CTIF: variants seen among roughly 807,000 people sequenced by gnomAD.
CTIF encodes the protein cap binding complex dependent translation initiation factor.
CTIF carries 21 observed loss-of-function variants against 66.0 expected under a neutral mutation model. That is an observed-to-expected ratio of 0.32 (90% CI 0.23 to 0.46). The LOEUF is 0.46. Among genes scored for constraint, CTIF ranks in the 20% least tolerant of loss-of-function variants. CTIF has a pLI of 1.00. For missense variants in CTIF, 739 were observed against 812.7 expected, an observed-to-expected ratio of 0.91 and a Z score of 1.10; for synonymous variants, 345 against 326.4, an observed-to-expected ratio of 1.06 and a Z score of -0.62.
chr18:48,657,425 A>G (rs2042029339), intron 3 of CTIF, among the ~76,000 whole-genome samples: 1 of 152,200 alleles, frequency 6.6e-6, no homozygotes, highest in Non-Finnish European at 1.5e-5. Flanking sequence ...ATTTAGAGGA[A>G]TGAGGCTTTC....
intron 5 of CTIF, among the ~76,000 whole-genome samples, chr18:48,670,220 G>A (rs918955007): frequency 2.0e-5 from 3 of 152,130 alleles, no homozygotes; most frequent in Non-Finnish European, 4.4e-5. Flanking sequence ...ATCTGAGTGG[G>A]CTTGCTGGAC....
chr18:48,752,125 A>C (rs1907884025), intron 7 of CTIF, among the ~76,000 whole-genome samples: 1 of 152,220 alleles, frequency 6.6e-6, no homozygotes, highest in Admixed American at 6.5e-5. Flanking sequence ...CACACTTCTT[A>C]CATGAACTTT....
At chr18:48,784,516 C>A (rs1225757240) in intron 9 of CTIF, among the ~76,000 whole-genome samples, 3 of 152,100 alleles carry the variant, frequency 2.0e-5, no homozygotes, top group Admixed American at 6.5e-5. Context: ...GTCTCTGGGG[C>A]ACCACCAAAG....
chr18:48,731,169 G>A (rs1038827065), intron 7 of CTIF, among the ~76,000 whole-genome samples: 1 of 152,090 alleles, frequency 6.6e-6, no homozygotes, highest in African/African-American at 2.4e-5. Context: ...CAGAGAGGCA[G>A]ACAGTGCCTA....
rs192204510 is a variant in CTIF at position 48,745,523 on chromosome 18, T to G, written c.585-12396T>G. ...TTGCTTGAAACAATTGTTCTTATGGTGGTTGCCAAATGATTTTCTAATTCC... is the reference window on the plus strand; with the variant it reads ...TTGCTTGAAACAATTGTTCTTATGGGGGTTGCCAAATGATTTTCTAATTCC... On this transcript the variant is annotated intron_variant, in intron 7 of 11. Coordinates refer to ENST00000256413, the MANE Select transcript of CTIF (RefSeq NM_014772.3). Among the ~76,000 whole-genome samples, 316 of 152,358 alleles carry G rather than the reference T, an allele frequency of 2.1e-3. 8 individuals are homozygous for G. The highest frequency in any genetic ancestry group is 0.02 in the Admixed American group (312 of 15,310).
chr18:48,705,072 C>T (rs1254508653), intron 6 of CTIF, among the ~76,000 whole-genome samples: 1 of 152,212 alleles, frequency 6.6e-6, no homozygotes, highest in African/African-American at 2.4e-5. Context: ...TGCTGGACAA[C>T]TGGTAACTCC....
rs764874698 is a variant in CTIF at position 48,758,174 on chromosome 18, A to G, written c.840A>G (p.Pro280=). The stretch of plus-strand genomic sequence containing the variant: ...AAGAGACCATGACCATCGAGAACCC[A>G]AAACTGGAGGACACTGCAGGGGACA... ...NAKETMTIEN[P]KLEDTAGDTG... The change falls in exon 8 of 12, where the codon CCA becomes CCG. Residue 280 remains proline, a synonymous_variant. Coordinates refer to ENST00000256413, the MANE Select transcript of CTIF (RefSeq NM_014772.3). The G allele has an allele frequency of 3.1e-6, 5 of 1,613,764 alleles. No homozygotes were observed. The African/African-American group carries it at 6.7e-5, about 22-fold the overall frequency.
At chr18:48,617,620 T>C (rs550414827) in intron 1 of CTIF, among the ~76,000 whole-genome samples, 1 of 152,290 alleles carries the variant, frequency 6.6e-6, no homozygotes, top group East Asian at 1.9e-4. Flanking sequence ...TAAGGTCCTG[T>C]AGGCTTTGAG....
chr18:48,633,701 CAATAAATAAATA>C (rs59134064), intron 2 of CTIF, among the ~76,000 whole-genome samples: 1,871 of 145,988 alleles, frequency 0.013, 34 homozygotes, highest in African/African-American at 0.039. Context: ...GCCTCCATCT[CAATAAATAAATA>C]AATAAATAAA....
chr18:48,613,597 G>A (rs771799731), intron 1 of CTIF, among the ~76,000 whole-genome samples: 2 of 152,214 alleles, frequency 1.3e-5, no homozygotes, highest in South Asian at 2.1e-4. Flanking sequence ...TAACTGGGCC[G>A]TTGTGACAAG....
intron 10 of CTIF, among the ~76,000 whole-genome samples, chr18:48,843,235 C>T (rs765758852): frequency 1.2e-4 from 19 of 152,090 alleles, no homozygotes; most frequent in Admixed American, 8.5e-4. Flanking sequence ...CCCCCTAGGC[C>T]AGGCACTGCT....
At chr18:48,856,691 T>C (rs2069335061) in intron 10 of CTIF, among the ~76,000 whole-genome samples, 1 of 152,190 alleles carries the variant, frequency 6.6e-6, no homozygotes. Context: ...TTCTATAAAA[T>C]GTCCAGCACG....
chr18:48,695,425 C>T (rs1225720211), intron 6 of CTIF, among the ~76,000 whole-genome samples: 1 of 152,190 alleles, frequency 6.6e-6, no homozygotes. Context: ...TGGGCACTCG[C>T]TGCCGTCAGT....
At chr18:48,607,290 T>A (rs1216879625) in intron 1 of CTIF, among the ~76,000 whole-genome samples, 1 of 152,180 alleles carries the variant, frequency 6.6e-6, no homozygotes, top group Admixed American at 6.5e-5. Context: ...GTAAGAGCGC[T>A]GGGCACCGGA....
intron 7 of CTIF, among the ~76,000 whole-genome samples, chr18:48,732,055 C>T (rs1018283099): frequency 3.9e-5 from 6 of 152,266 alleles, no homozygotes; most frequent in Admixed American, 1.3e-4. Context: ...CATGAATCTT[C>T]CAACACCCCG....
chr18:48,757,159 G>C (rs1908446864), intron 7 of CTIF, among the ~76,000 whole-genome samples: 1 of 152,072 alleles, frequency 6.6e-6, no homozygotes, highest in South Asian at 2.1e-4. Context: ...TTGTTATAAG[G>C]CCATTAGTCA....
chr18:48,859,599 G>A lies in CTIF; in HGVS notation c.*40G>A, dbSNP rs2069413128. ...GGCAGGCGGCCCACGGGCAGCTGGG[G>A]CCCTGGTGCACAGGGCCAGATGGAC... On this transcript the variant is annotated 3_prime_UTR_variant, in exon 12 of 12. Coordinates refer to ENST00000256413, the MANE Select transcript of CTIF (RefSeq NM_014772.3). The A allele has an allele frequency of 6.3e-7, 1 of 1,591,394 alleles. No individual in the cohort carries two copies. Among genetic ancestry groups the A allele is most frequent in the Non-Finnish European group, 8.6e-7 (1 of 1,160,112 alleles).
chr18:48,827,899 C>G (rs1050344847), intron 10 of CTIF, among the ~76,000 whole-genome samples: 2 of 152,106 alleles, frequency 1.3e-5, no homozygotes, highest in Non-Finnish European at 2.9e-5. Context: ...ACCCAGACCC[C>G]CACGCCCCAA....
chr18:48,673,000 C>T (rs2091560876), intron 6 of CTIF, among the ~76,000 whole-genome samples: 1 of 152,128 alleles, frequency 6.6e-6, no homozygotes, highest in South Asian at 2.1e-4. Context: ...CTCACTCAGC[C>T]CTTCTCTGCC....
Sources: allele counts gnomAD v4.1 joint callset (sites outside exome capture counted in the v4.1 genomes callset), GRCh38; gene constraint gnomAD v4.1.1; transcripts MANE v1.5; gene names NCBI Gene and HGNC (gene_info 2026-07-23, HGNC 2026-07-21).